Variants in SH3D21 observed in about 807,000 individuals in gnomAD.
SH3D21 encodes manchette microtubule inner protein 1.
In SH3D21, 83 loss-of-function variants were observed where a neutral mutation model predicts 82.1. That is an observed-to-expected ratio of 1.01 (90% confidence interval 0.85 to 1.21). The LOEUF is 1.21. Ranked by LOEUF, SH3D21 falls within the 50% of genes most tolerant of loss-of-function variation. SH3D21 has a pLI of 0.00. For missense variants in SH3D21, 980 were observed against 962.1 expected (o/e 1.02, Z -0.25); for synonymous variants, 383 against 387.8 (o/e 0.99, Z 0.15).
At position 36,320,122 on chromosome 1, in the gene SH3D21, A is replaced by C. The variant is rs1646420727; in HGVS notation, c.1459A>C (p.Thr487Pro). Residue 487 changes from threonine to proline, a missense_variant, in exon 14 of 16, where the codon ACC becomes CCC. Thr to Pro is a conservative substitution (Grantham distance 38). Transcript: ENST00000453908. ...DEAPTLEKVL[T>P]PELSEEEVST... The stretch of plus-strand genomic sequence containing the variant: ...GGCCCCCACTCTAGAAAAGGTCTTG[A>C]CCCCAGAGCTTTCTGAAGAAGAGGT... 3 of 1,613,856 alleles carry C rather than the reference A, an allele frequency of 1.9e-6. No individual in the cohort carries two copies. The highest frequency in any genetic ancestry group is 3.3e-5 in the Admixed American group (2 of 60,004).
In SH3D21 at chr1:36,321,160, T is replaced by G. The variant is rs1646455605; in HGVS notation, c.*33T>G. The stretch of plus-strand genomic sequence containing the variant: ...CCTGGGAAGGGACCGCGGCCTGACC[T>G]GGCTGGGGCCACCCACGTCCTTGCA... On this transcript the variant is annotated 3_prime_UTR_variant, in exon 16 of 16. Coordinates refer to ENST00000453908, the MANE Select transcript of SH3D21 (RefSeq NM_001162530.2). This position sits in a 1 kb window ranked among gnomAD's most constrained non-coding sequence, Gnocchi z 6.1. 1 of 1,601,954 alleles carries G rather than the reference T, an allele frequency of 6.2e-7. No individual in the cohort carries two copies. The highest frequency in any genetic ancestry group is 8.5e-7 in the Non-Finnish European group (1 of 1,174,778).
downstream of SH3D21, chr1:36,322,853 C>G: frequency 6.6e-7 from 1 of 1,508,312 alleles, no homozygotes; most frequent in East Asian, 2.3e-5. Flanking sequence ...ATTAGGGAAC[C>G]GCCAGCGGGC....
intron 10 of SH3D21, among the ~76,000 whole-genome samples, chr1:36,313,204 G>A (rs1309655156): frequency 4.6e-5 from 7 of 152,094 alleles, no homozygotes; most frequent in African/African-American, 1.7e-4. Context: ...CATGCCTGTA[G>A]TCCCAGCTAC....
At chr1:36,322,374 T>C, downstream of SH3D21, 1 of 1,592,208 alleles carries the variant, frequency 6.3e-7, no homozygotes, top group South Asian at 1.1e-5. Flanking sequence ...CAGGTCCGGC[T>C]GCCCGGTGCG....
downstream of SH3D21, chr1:36,327,803 C>T: frequency 7.8e-7 from 1 of 1,276,830 alleles, no homozygotes; most frequent in South Asian, 1.3e-5. Flanking sequence ...CTCCTGGAGG[C>T]CCTGGGGAAG....
chr1:36,322,739 GGCGGGGGTCACGGAGA>G (rs1646488936), downstream of SH3D21: 1 of 1,545,490 alleles, frequency 6.5e-7, no homozygotes. Flanking sequence ...CGGGGCACAG[GGCGGGGGTCACGGAGA>G]GGCCCGGACG....
intron 10 of SH3D21, among the ~76,000 whole-genome samples, chr1:36,316,047 G>A (rs1176269928): frequency 6.6e-6 from 1 of 152,108 alleles, no homozygotes; most frequent in Non-Finnish European, 1.5e-5. Flanking sequence ...TCTATGCAGT[G>A]TTCTCTACCT....
Position 36,308,396 on chromosome 1 carries a change from A to G in SH3D21, c.647A>G (p.Glu216Gly). 1 of 1,551,876 alleles carries G rather than the reference A, an allele frequency of 6.4e-7. No individual in the cohort carries two copies. The highest frequency in any genetic ancestry group is 8.7e-7 in the Non-Finnish European group (1 of 1,147,024). The change falls in exon 9 of 16, where the codon GAG becomes GGG. Residue 216 changes from glutamate (E) to glycine (G), a missense_variant. By Grantham distance (98) the Glu-to-Gly change is moderately conservative. Coordinates refer to ENST00000453908, the MANE Select transcript of SH3D21 (RefSeq NM_001162530.2). The part of the protein sequence containing the change: ...DVVKVLSKTT[E>G]DKGWWEGECQ... ...GGCGTGTTTCTTTTCCAGACCACAG[A>G]GGATAAGGGCTGGTGGGAAGGAGAG...
downstream of SH3D21, chr1:36,321,547 A>C: frequency 1.4e-6 from 1 of 716,370 alleles, no homozygotes; most frequent in Non-Finnish European, 1.8e-6. The surrounding 1 kb of genome is among the most constrained non-coding windows in gnomAD (Gnocchi z 6.1). Context: ...GCCAGCTCGG[A>C]CCCCTCCCAG....
downstream of SH3D21, chr1:36,322,627 G>T: frequency 6.5e-7 from 1 of 1,545,720 alleles, no homozygotes; most frequent in Middle Eastern, 2.1e-4. Context: ...GGCCGCGGGC[G>T]GGGCGCCCAC....
downstream of SH3D21, chr1:36,327,728 C>T (rs184710616): frequency 9.9e-4 from 1,208 of 1,220,334 alleles, 9 homozygotes; most frequent in African/African-American, 0.017. Flanking sequence ...AGGGGCTTGC[C>T]GTGGCCAAGC....
At chr1:36,312,216 G>GT (rs1646255107) in intron 10 of SH3D21, among the ~76,000 whole-genome samples, 1 of 151,060 alleles carries the variant, frequency 6.6e-6, no homozygotes, top group African/African-American at 2.4e-5. Context: ...AGTAGAGACG[G>GT]GTTTCACCAT....
At chr1:36,316,934 G>A (rs530248342) in intron 10 of SH3D21, among the ~76,000 whole-genome samples, 1 of 152,178 alleles carries the variant, frequency 6.6e-6, no homozygotes, top group African/African-American at 2.4e-5. Flanking sequence ...GTGAGCCACT[G>A]GGAGTGCTGG....
chr1:36,323,237 C>T (rs908996879), downstream of SH3D21, among the ~76,000 whole-genome samples: 1 of 152,140 alleles, frequency 6.6e-6, no homozygotes, highest in African/African-American at 2.4e-5. Context: ...CTCTCCCGGG[C>T]GCGGACGCCC....
rs1240970970 is a variant in SH3D21, at chr1:36,308,189, G to A, written c.619G>A (p.Val207Met). 1.0e-5 allele frequency: 16 copies of A among 1,543,272 alleles called. No homozygotes were observed. The highest frequency in any genetic ancestry group is 4.9e-5 in the East Asian group (2 of 40,906). The change falls in exon 8 of 16, where the codon GTG (valine) becomes ATG (methionine). Residue 207 changes from valine (V) to methionine (M), a missense_variant. Physicochemically the swap from Val to Met is conservative, Grantham distance 21. Coordinates refer to ENST00000453908, the MANE Select transcript of SH3D21 (RefSeq NM_001162530.2). Reference sequence around the variant, plus strand: ...CGAGTTGGCGCTGCGGAGGGGGGACGTGGTAAAAGTACTCAGCAAGGTGTG... The same window carrying A: ...CGAGTTGGCGCTGCGGAGGGGGGACATGGTAAAAGTACTCAGCAAGGTGTG... ...PDELALRRGD[V>M]VKVLSKTTED...
chr1:36,314,427 G>GTA lies in SH3D21; in HGVS notation c.770-4632_770-4631dup, dbSNP rs377712281. Among the ~76,000 whole-genome samples, 218 of 147,690 alleles carry GTA rather than the reference G, an allele frequency of 1.5e-3. 4 individuals carry two copies. In the South Asian group the frequency reaches 0.022, roughly 15 times the overall value. Reference sequence around the variant, plus strand: ...TAAAAGTCCCTAATCATATATATGCGTATATATATATATGGTTTGCAATAT... The same window carrying GTA: ...TAAAAGTCCCTAATCATATATATGCGTATATATATATATATGGTTTGCAATAT... On this transcript the variant is annotated intron_variant, in intron 10 of 15. Transcript: ENST00000453908.
Position 36,306,962 on chromosome 1 carries a change from C to T in SH3D21, c.226+57C>T. 2 of 1,345,124 alleles carry T rather than the reference C, an allele frequency of 1.5e-6. No individual in the cohort carries two copies. The highest frequency in any genetic ancestry group is 3.5e-5 in the East Asian group (1 of 28,424). 83.3% of individuals were successfully genotyped at this position (1,345,124 alleles called of 1,614,324 possible). On this transcript the variant is annotated intron_variant, in intron 3 of 15. Coordinates refer to ENST00000453908, the MANE Select transcript of SH3D21 (RefSeq NM_001162530.2). This position sits in a 1 kb window ranked among gnomAD's most constrained non-coding sequence, Gnocchi z 4.5. ...GGCGGGTGCACGGAGCCAGTGCGAC[C>T]CCGGCGTCTCCGGCTCTTAGTGACG...
chr1:36,319,165 G>C lies in SH3D21; in HGVS notation c.863+1G>C, dbSNP rs370943824. ...CCACCACTGGGCCCAGCAAAGCCAAGTAAGGAGCAGGATGGGGTTGGGGGA... is the reference window on the plus strand; with the variant it reads ...CCACCACTGGGCCCAGCAAAGCCAACTAAGGAGCAGGATGGGGTTGGGGGA... On this transcript the variant is annotated splice_donor_variant, in intron 11 of 15. Coordinates refer to ENST00000453908, the MANE Select transcript of SH3D21 (RefSeq NM_001162530.2). LOFTEE classifies it high-confidence loss of function. 44 of 1,551,288 alleles carry C rather than the reference G, an allele frequency of 2.8e-5. No homozygotes were observed. Among genetic ancestry groups the C allele is most frequent in the Non-Finnish European group, 3.8e-5 (44 of 1,146,680 alleles).
Position 36,307,684 on chromosome 1 carries a change from T to C in SH3D21, c.436+77T>C. 6.5e-7 allele frequency: 1 copy of C among 1,539,626 alleles called. No individual in the cohort carries two copies. Among genetic ancestry groups the C allele is most frequent in the Middle Eastern group, 1.7e-4 (1 of 5,952 alleles). ...CAGTGGCATGAGCCTGTGATTCACA[T>C]ATCCTGACCCTGTGACCCCTCTGAC... On this transcript the variant is annotated intron_variant, in intron 5 of 15. Coordinates refer to ENST00000453908, the MANE Select transcript of SH3D21 (RefSeq NM_001162530.2). This position sits in a 1 kb window ranked among gnomAD's most constrained non-coding sequence, Gnocchi z 5.4.
Sources: allele counts gnomAD v4.1 joint callset (sites outside exome capture counted in the v4.1 genomes callset), GRCh38; gene constraint gnomAD v4.1.1; non-coding constraint Gnocchi (gnomAD v3.1); transcripts MANE v1.5; gene names NCBI Gene and HGNC (gene_info 2026-07-23, HGNC 2026-07-21).